The following ZNF207 variants were observed in gnomAD, a reference collection of about 807,000 sequenced individuals.
ZNF207 encodes the protein BUB3-interacting and GLEBS motif-containing protein ZNF207.
Under a neutral mutation model 60.2 loss-of-function variants are expected in ZNF207, and 24 were observed. The observed-to-expected ratio is 0.40, with a 90% CI of 0.29 to 0.56. The LOEUF (loss-of-function observed/expected upper bound fraction) is 0.56, where lower values mean the gene tolerates loss of function less well. ZNF207 is among the 20% of genes least tolerant of loss of function. The pLI, the probability that ZNF207 is intolerant of heterozygous loss-of-function variation, is 0.49. For synonymous variants in ZNF207, 236 were observed against 194.7 expected (o/e 1.21, Z -1.77); for missense variants, 452 against 636.6 (o/e 0.71, Z 3.12).
intron 9 of ZNF207, among the ~76,000 whole-genome samples, chr17:32,367,282 T>TATATATATGTATATAA (rs1445385221): frequency 2.4e-5 from 2 of 82,862 alleles, no homozygotes; most frequent in Admixed American, 1.3e-4. Flanking sequence ...TATATATATA[T>TATATATATGTATATAA]ATAAAGAATA....
At position 32,373,306 on chromosome 17, in the gene ZNF207, C is replaced by T. The variant is rs1905547842; in HGVS notation, c.*3547C>T. ...AAGCTGCTCCTTTTGCTTGCTTGAT[C>T]ATTGGGATTTTTAAAAAAAAAAATT... On this transcript the variant is annotated 3_prime_UTR_variant, in exon 12 of 12. Transcript: ENST00000394670. 2 of 607,646 alleles carry T rather than the reference C, an allele frequency of 3.3e-6. No individual in the cohort carries two copies. Among genetic ancestry groups the T allele is most frequent in the Non-Finnish European group, 5.9e-6 (2 of 338,554 alleles). 37.6% of individuals were successfully genotyped at this position (607,646 alleles called of 1,614,324 possible).
chr17:32,373,214 G>C lies in ZNF207; in HGVS notation c.*3455G>C. The C allele has an allele frequency of 2.2e-6, 1 of 451,876 alleles. No homozygotes were observed. The highest frequency in any genetic ancestry group is 4.0e-6 in the Non-Finnish European group (1 of 253,126). The allele number at this position is 451,876 out of a possible 1,614,324, so 28.0% of individuals were successfully genotyped here. On this transcript the variant is annotated 3_prime_UTR_variant, in exon 12 of 12. Transcript: ENST00000394670. ...TTAATTAAACTTAATTAATTGGGGA[G>C]GGGGATTCCCCAACAAAAAGAAGTA... is the stretch of plus-strand genomic sequence containing the variant.
intron 7 of ZNF207, among the ~76,000 whole-genome samples, chr17:32,364,650 G>T (rs1288751383): frequency 6.6e-6 from 1 of 152,140 alleles, no homozygotes; most frequent in African/African-American, 2.4e-5. Context: ...GAGCCACTGT[G>T]CCCGGCCCTA....
intron 2 of ZNF207, among the ~76,000 whole-genome samples, chr17:32,358,129 C>T (rs1597769764): frequency 6.6e-6 from 1 of 152,306 alleles, no homozygotes; most frequent in Middle Eastern, 3.4e-3. Context: ...ACTTAATTCA[C>T]ACTTGAAACA....
In ZNF207 at chr17:32,353,677, G is replaced by C. The variant is rs554855286; in HGVS notation, c.168+1765G>C. Among the ~76,000 whole-genome samples, 905 of 148,638 alleles carry C rather than the reference G, an allele frequency of 6.1e-3. 14 individuals are homozygous for C. Among genetic ancestry groups the C allele is most frequent in the African/African-American group, 0.021 (858 of 40,000 alleles). On this transcript the variant is annotated intron_variant, in intron 2 of 11. Coordinates refer to ENST00000394670, the MANE Select transcript of ZNF207 (RefSeq NM_001098507.2). ...CACATGTAGTCCTGGCTACGGGGGC[G>C]GGGGGAGGGCTGGGGGCGGGGGGCG...
intron 10 of ZNF207, 120 bp from the exon 11 acceptor site, chr17:32,369,175 G>T: frequency 9.4e-7 from 1 of 1,062,586 alleles, no homozygotes; most frequent in East Asian, 2.4e-5. Flanking sequence ...TAAATAGTTG[G>T]GATGTAAGGG....
Position 32,351,917 on chromosome 17 carries a change from G to A in ZNF207, c.168+5G>A. 6.5e-7 allele frequency: 1 copy of A among 1,535,328 alleles called. No individual in the cohort carries two copies. The highest frequency in any genetic ancestry group is 8.8e-7 in the Non-Finnish European group (1 of 1,139,278). ...TTAGCTATTCATTGCATGCAGGTAAGGATTTTTCTTCTGTATTTATTGTCC... is the reference window on the plus strand; with the variant it reads ...TTAGCTATTCATTGCATGCAGGTAAAGATTTTTCTTCTGTATTTATTGTCC... On this transcript the variant is annotated splice_donor_5th_base_variant and intron_variant, in intron 2 of 11. Transcript: ENST00000394670.
intron 6 of ZNF207, 45 bp downstream of exon 6, chr17:32,361,560 T>C: frequency 6.5e-7 from 1 of 1,542,072 alleles, no homozygotes; most frequent in Non-Finnish European, 8.8e-7. Flanking sequence ...ATAATCATAC[T>C]GTCATTTTTT....
In ZNF207 at chr17:32,350,189, G is replaced by T. The variant is rs750118944; in HGVS notation, c.-97G>T. On this transcript the variant is annotated 5_prime_UTR_variant, in exon 1 of 12. Transcript: ENST00000394670. ...ATTTTGTGTCTGCTTCCTGTGGGAC[G>T]TGGTGGTAGCCGTTGGGTTGGGAAA... 9 of 1,561,000 alleles carry T rather than the reference G, an allele frequency of 5.8e-6. No homozygotes were observed. In the African/African-American group the frequency reaches 9.5e-5, roughly 16 times the overall value.
Position 32,350,236 on chromosome 17 carries a change from T to G in ZNF207, c.-50T>G. 1 of 1,613,360 alleles carries G rather than the reference T, an allele frequency of 6.2e-7. No homozygotes were observed. The highest frequency in any genetic ancestry group is 8.5e-7 in the Non-Finnish European group (1 of 1,179,410). On this transcript the variant is annotated 5_prime_UTR_variant, in exon 1 of 12. Transcript: ENST00000394670. ...GAAAGTGAGGGATTTTTGGCCTCGT[T>G]TCTCCTGCTTCTTTTCTCCTCCCTT...
At chr17:32,356,041 A>T (rs1290173945) in intron 2 of ZNF207, among the ~76,000 whole-genome samples, 2 of 152,194 alleles carry the variant, frequency 1.3e-5, no homozygotes, top group Non-Finnish European at 2.9e-5. Context: ...TTATTGTCTG[A>T]GTGCCTTTAT....
At chr17:32,364,972 A>T (rs1030004065) in intron 7 of ZNF207, among the ~76,000 whole-genome samples, 10 of 152,326 alleles carry the variant, frequency 6.6e-5, no homozygotes, top group African/African-American at 2.4e-4. Context: ...ATCAGTTTTT[A>T]CTGTAATTTG....
At position 32,365,349 on chromosome 17, in the gene ZNF207, A is replaced by G. The variant is rs764174905; in HGVS notation, c.690A>G (p.Pro230=). 2 of 1,613,876 alleles carry G rather than the reference A, an allele frequency of 1.2e-6. No individual in the cohort carries two copies. The highest frequency in any genetic ancestry group is 2.2e-5 in the East Asian group (1 of 44,898). ...CTGCAGGTATGCCCCCACCTGTTCCACGTCCTGGAATTCCTCCAATGACTC... is the reference window on the plus strand; with the variant it reads ...CTGCAGGTATGCCCCCACCTGTTCCGCGTCCTGGAATTCCTCCAATGACTC... ...GMPPGMPPPV[P]RPGIPPMTQA... is the part of the protein sequence containing the mutation. The change falls in exon 8 of 12, where the codon CCA becomes CCG. Residue 230 remains proline (P), a synonymous_variant. Transcript: ENST00000394670.
chr17:32,350,187 A>G lies in ZNF207; in HGVS notation c.-99A>G. 1.9e-6 allele frequency: 3 copies of G among 1,556,102 alleles called. No individual in the cohort carries two copies. The highest frequency in any genetic ancestry group is 8.9e-7 in the Non-Finnish European group (1 of 1,129,220). ...CCATTTTGTGTCTGCTTCCTGTGGG[A>G]CGTGGTGGTAGCCGTTGGGTTGGGA... On this transcript the variant is annotated 5_prime_UTR_variant, in exon 1 of 12. Transcript: ENST00000394670.
rs1317438402 is a variant in ZNF207 at position 32,358,507 on chromosome 17, A to G, written c.173A>G (p.His58Arg). The part of the protein sequence containing the change: ...PGLAIHCMQV[H>R]KETIDAVPNA... Reference sequence around the variant, plus strand: ...AATGGAAATTGTTGTTGTTAGGTACATAAAGAAACAATAGATGCCGTACCA... The same window carrying G: ...AATGGAAATTGTTGTTGTTAGGTACGTAAAGAAACAATAGATGCCGTACCA... Residue 58 changes from histidine (H) to arginine (R), a missense_variant, in exon 3 of 12, where the codon CAT (histidine) becomes CGT (arginine). Coordinates refer to ENST00000394670, the MANE Select transcript of ZNF207 (RefSeq NM_001098507.2). 3 of 1,549,634 alleles carry G rather than the reference A, an allele frequency of 1.9e-6. No homozygotes were observed. The highest frequency in any genetic ancestry group is 1.7e-6 in the Non-Finnish European group (2 of 1,158,816).
At chr17:32,366,173 C>A (rs910345566) in intron 8 of ZNF207, among the ~76,000 whole-genome samples, 1 of 151,940 alleles carries the variant, frequency 6.6e-6, no homozygotes, top group Non-Finnish European at 1.5e-5. Flanking sequence ...TTTAGATTAT[C>A]CCTTAGATTT....
chr17:32,357,510 G>A (rs1040355819), intron 2 of ZNF207, among the ~76,000 whole-genome samples: 13 of 150,790 alleles, frequency 8.6e-5, no homozygotes, highest in African/African-American at 2.9e-4. Flanking sequence ...CACCATGCCC[G>A]GCTAATTTTT....
At chr17:32,357,311 AATTATTATT>A (rs1330669262) in intron 2 of ZNF207, among the ~76,000 whole-genome samples, 1,801 of 117,954 alleles carry the variant, frequency 0.015, 48 homozygotes, top group South Asian at 0.038. Context: ...TTGCTATTCT[AATTATTATT>A]ATTATTATTA....
In ZNF207 at chr17:32,373,715, C is replaced by A; in HGVS notation, c.*3956C>A. 3.2e-6 allele frequency: 1 copy of A among 312,390 alleles called. No individual in the cohort carries two copies. 19.4% of individuals were successfully genotyped at this position (312,390 alleles called of 1,614,324 possible). A position where few individuals can be genotyped will look rare whatever the true frequency, so the allele number is the denominator to read the frequency against. ...TAACAGCTTCAGTAAAGCTTGTGTT[C>A]CTATATTGAACTTCAATAAATTGAC... On this transcript the variant is annotated 3_prime_UTR_variant, in exon 12 of 12. Transcript: ENST00000394670.
Sources: gnomAD v4.1 joint callset for allele counts (sites outside exome capture counted in the v4.1 genomes callset) on GRCh38, gnomAD v4.1.1 for gene constraint, MANE v1.5 for transcripts, NCBI Gene and HGNC (gene_info 2026-07-23, HGNC 2026-07-21) for gene names.